Variants in COL25A1 observed in about 807,000 individuals in gnomAD.
COL25A1 encodes collagen type XXV alpha 1 chain.
Under a neutral mutation model 128.4 loss-of-function variants are expected in COL25A1, and 103 were observed. The ratio of observed to expected loss-of-function variants is 0.80; its 90% CI spans 0.68 to 0.94. The LOEUF (loss-of-function observed/expected upper bound fraction) is 0.94, where lower values mean the gene tolerates loss of function less well. Among genes scored for constraint, COL25A1 ranks in the 40% least tolerant of loss-of-function variants. The pLI is 0.00. For missense variants in COL25A1, 745 were observed against 840.0 expected, an observed-to-expected ratio of 0.89 and a Z score of 1.40; for synonymous variants, 279 against 277.2, an observed-to-expected ratio of 1.01 and a Z score of -0.06.
At chr4:109,123,785 C>T (rs543923091) in intron 3 of COL25A1, among the ~76,000 whole-genome samples, 1 of 152,178 alleles carries the variant, frequency 6.6e-6, no homozygotes, top group South Asian at 2.1e-4. Flanking sequence ...TGCTGTTGGA[C>T]ATAGGCCTCG....
intron 3 of COL25A1, among the ~76,000 whole-genome samples, chr4:109,179,370 T>A (rs570255379): frequency 2.2e-4 from 33 of 152,348 alleles, no homozygotes; most frequent in African/African-American, 3.8e-4. Context: ...CCTGTACCGT[T>A]CAACTATGCA....
intron 3 of COL25A1, among the ~76,000 whole-genome samples, chr4:109,060,675 A>G (rs1761882125): frequency 6.7e-6 from 1 of 148,930 alleles, no homozygotes; most frequent in African/African-American, 2.6e-5. Flanking sequence ...GTACCAACTC[A>G]GACTCAATTT....
intron 3 of COL25A1, among the ~76,000 whole-genome samples, chr4:109,141,235 T>G (rs539008161): frequency 1.3e-5 from 2 of 152,338 alleles, no homozygotes; most frequent in South Asian, 4.1e-4. Context: ...TGAATTATGT[T>G]TATTGATTTG....
chr4:109,167,176 A>G (rs375904551), intron 3 of COL25A1, among the ~76,000 whole-genome samples: 1 of 152,190 alleles, frequency 6.6e-6, no homozygotes, highest in Non-Finnish European at 1.5e-5. Flanking sequence ...TAACATCTTA[A>G]GTAGGTTTAA....
At chr4:108,925,124 C>T (rs994065023) in intron 11 of COL25A1, among the ~76,000 whole-genome samples, 4 of 152,086 alleles carry the variant, frequency 2.6e-5, no homozygotes, top group East Asian at 3.9e-4. Flanking sequence ...TTTTTAAGAG[C>T]CCACTGAATT....
chr4:109,095,327 A>G (rs1008177446), intron 3 of COL25A1, among the ~76,000 whole-genome samples: 2 of 152,248 alleles, frequency 1.3e-5, no homozygotes, highest in Non-Finnish European at 2.9e-5. Flanking sequence ...CTTTCTTTAG[A>G]ACAAAGTAGA....
At chr4:109,214,227 A>T (rs1238772672) in intron 3 of COL25A1, among the ~76,000 whole-genome samples, 1 of 152,208 alleles carries the variant, frequency 6.6e-6, no homozygotes, top group Non-Finnish European at 1.5e-5. Context: ...ACAAATTAAA[A>T]AAAAGTAACA....
chr4:108,832,652 A>G, intron 31 of COL25A1: 1 of 453,580 alleles, frequency 2.2e-6, no homozygotes, highest in Non-Finnish European at 3.9e-6. Flanking sequence ...TGAAAGGCAC[A>G]CACGAAAAGC....
chr4:109,011,738 G>A (rs139835029), intron 5 of COL25A1, among the ~76,000 whole-genome samples: 2 of 152,212 alleles, frequency 1.3e-5, no homozygotes, highest in Middle Eastern at 3.4e-3. Context: ...TCTGCCTTTC[G>A]GCCTAGAAGT....
chr4:109,132,217 C>T (rs1769278710), intron 3 of COL25A1, among the ~76,000 whole-genome samples: 1 of 152,094 alleles, frequency 6.6e-6, no homozygotes, highest in Admixed American at 6.5e-5. Flanking sequence ...CAGTCTAGAT[C>T]TTTACAATAT....
chr4:108,960,428 G>T, intron 8 of COL25A1, among the ~76,000 whole-genome samples: 1 of 152,052 alleles, frequency 6.6e-6, no homozygotes, highest in African/African-American at 2.4e-5. Flanking sequence ...ACAAAATACA[G>T]TAATTTTTGG....
chr4:108,943,582 T>C (rs1337131451), intron 8 of COL25A1, among the ~76,000 whole-genome samples: 1 of 152,224 alleles, frequency 6.6e-6, no homozygotes, highest in Non-Finnish European at 1.5e-5. Context: ...TAATCACTTC[T>C]GTCACATAAC....
chr4:109,042,669 T>G (rs563246687), intron 5 of COL25A1, among the ~76,000 whole-genome samples: 1 of 152,182 alleles, frequency 6.6e-6, no homozygotes, highest in Admixed American at 6.5e-5. Flanking sequence ...TGAGTCCAAA[T>G]ATAAATTTTT....
chr4:108,833,904 T>C (rs1277954662), intron 31 of COL25A1, among the ~76,000 whole-genome samples: 1 of 152,172 alleles, frequency 6.6e-6, no homozygotes, highest in South Asian at 2.1e-4. Flanking sequence ...AATTGAAAGT[T>C]AGTGCCAAGG....
chr4:108,982,700 A>C (rs1287629140), intron 6 of COL25A1, among the ~76,000 whole-genome samples: 4 of 152,192 alleles, frequency 2.6e-5, no homozygotes, highest in African/African-American at 7.2e-5. Context: ...AAAAGAGACC[A>C]AGCAGAGGGG....
At chr4:109,185,697 A>C (rs1775069591) in intron 3 of COL25A1, among the ~76,000 whole-genome samples, 1 of 152,170 alleles carries the variant, frequency 6.6e-6, no homozygotes, top group African/African-American at 2.4e-5. Context: ...ATGAGGTCAT[A>C]AGGGTGTGGC....
chr4:109,158,074 C>G (rs1401732501), intron 3 of COL25A1, among the ~76,000 whole-genome samples: 3 of 152,154 alleles, frequency 2.0e-5, no homozygotes, highest in African/African-American at 7.2e-5. Context: ...CCTATAAGAC[C>G]ACTTTTCCCT....
intron 3 of COL25A1, among the ~76,000 whole-genome samples, chr4:109,273,241 T>C (rs1383260367): frequency 6.6e-6 from 1 of 152,230 alleles, no homozygotes; most frequent in Admixed American, 6.5e-5. Context: ...TTATAGTAAT[T>C]GTCCTCATTA....
chr4:109,035,592 T>C (rs534788616), intron 5 of COL25A1, among the ~76,000 whole-genome samples: 16 of 152,328 alleles, frequency 1.1e-4, no homozygotes, highest in African/African-American at 3.6e-4. Flanking sequence ...AGAAATTTCC[T>C]ACTTTTTAAG....
Sources: allele counts gnomAD v4.1 joint callset (sites outside exome capture counted in the v4.1 genomes callset), GRCh38; gene constraint gnomAD v4.1.1; transcripts MANE v1.5; gene names NCBI Gene and HGNC (gene_info 2026-07-23, HGNC 2026-07-21).